MSN: variants seen among roughly 807,000 people sequenced by gnomAD.
MSN encodes the protein moesin.
In MSN, 2 loss-of-function variants were observed where a neutral mutation model predicts 48.0. The observed-to-expected ratio is 0.04, with a 90% CI of 0.02 to 0.13. MSN has a LOEUF of 0.13. Ranked by LOEUF, MSN falls within the 10% of genes least tolerant of loss-of-function variation. MSN has a pLI of 1.00. For missense variants in MSN, 267 were observed against 470.1 expected, an observed-to-expected ratio of 0.57 and a Z score of 3.99; for synonymous variants, 146 against 166.9, an observed-to-expected ratio of 0.87 and a Z score of 0.97.
intron 1 of MSN, among the ~76,000 whole-genome samples, chrX:65,643,049 T>TA (rs1441765180): frequency 9.0e-6 from 1 of 110,949 alleles, no homozygotes; most frequent in Non-Finnish European, 1.9e-5. Context: ...GCCCTTAGAT[T>TA]AGAATTCCTC....
intron 1 of MSN, chrX:65,589,544 C>G (rs1422077722): frequency 8.9e-6 from 1 of 112,508 alleles, no homozygotes; most frequent in Non-Finnish European, 1.9e-5. Context: ...TGTCACATCA[C>G]TTCTGTGGAT....
At chrX:65,667,030 G>A (rs2070878189), upstream of MSN, among the ~76,000 whole-genome samples, 2 of 112,040 alleles carry the variant, frequency 1.8e-5, no homozygotes, top group African/African-American at 3.2e-5. Context: ...TGAGGACTGA[G>A]CAAGGATGGG....
At chrX:65,607,421 A>G (rs1163746336) in intron 1 of MSN, among the ~76,000 whole-genome samples, 2 of 111,975 alleles carry the variant, frequency 1.8e-5, no homozygotes, top group South Asian at 7.5e-4. Context: ...TGTACTCTCC[A>G]TTCCTTGTGG....
chrX:65,622,217 C>T (rs1409802661), intron 1 of MSN, among the ~76,000 whole-genome samples: 2 of 107,165 alleles, frequency 1.9e-5, no homozygotes, highest in African/African-American at 6.8e-5. Flanking sequence ...GCCTCAGCCT[C>T]CTGAGTAGCT....
At chrX:65,619,581 G>A (rs1256071001) in intron 1 of MSN, among the ~76,000 whole-genome samples, 1 of 98,776 alleles carries the variant, frequency 1.0e-5, no homozygotes, top group Admixed American at 1.0e-4. Context: ...GCACTTCTCT[G>A]TATTGGTTAT....
chrX:65,647,179 CT>C (rs776824315), intron 1 of MSN, among the ~76,000 whole-genome samples: 3 of 108,029 alleles, frequency 2.8e-5, no homozygotes, highest in Non-Finnish European at 5.7e-5. Context: ...TTAGTAAGTT[CT>C]ATGGAGGAAA....
In MSN at chrX:65,729,653, C is replaced by T. The variant is rs1212398826; in HGVS notation, c.408C>T (p.Asp136=). 1 of 1,210,037 alleles carries T rather than the reference C, an allele frequency of 8.3e-7. No individual in the cohort carries two copies. Among genetic ancestry groups the T allele is most frequent in the Non-Finnish European group, 1.1e-6 (1 of 895,236 alleles). Residue 136 remains aspartate (D), a synonymous_variant, in exon 4 of 13, where the codon GAC becomes GAT. Transcript: ENST00000360270. ...ASYAVQSKYG[D]FNKEVHKSGY... ...ATGCTGTCCAGTCTAAGTATGGCGA[C>T]TTCAATAAGGAAGTGCATAAGTCTG...
intron 1 of MSN, among the ~76,000 whole-genome samples, chrX:65,620,242 G>T (rs867849410): frequency 2.7e-5 from 3 of 112,555 alleles, no homozygotes; most frequent in Non-Finnish European, 3.8e-5. Flanking sequence ...CCACCCAGTT[G>T]GAGCTTCCCG....
At chrX:65,652,886 T>G (rs1015582771) in intron 1 of MSN, among the ~76,000 whole-genome samples, 4 of 111,642 alleles carry the variant, frequency 3.6e-5, no homozygotes, top group African/African-American at 1.3e-4. Context: ...ACTCTTTCAT[T>G]GAGGATATGG....
At chrX:65,598,871 C>G (rs1303184440) in intron 1 of MSN, among the ~76,000 whole-genome samples, 1 of 112,186 alleles carries the variant, frequency 8.9e-6, no homozygotes, top group Non-Finnish European at 1.9e-5. Context: ...TACATGCATG[C>G]CTATTAAGGC....
At chrX:65,686,996 A>T (rs1186278378) in intron 1 of MSN, among the ~76,000 whole-genome samples, 1 of 111,915 alleles carries the variant, frequency 8.9e-6, no homozygotes, top group Non-Finnish European at 1.9e-5. Flanking sequence ...TCATTTATAG[A>T]CCATTTAGGA....
At chrX:65,688,867 T>C (rs1242636500) in intron 1 of MSN, among the ~76,000 whole-genome samples, 2 of 111,919 alleles carry the variant, frequency 1.8e-5, no homozygotes, top group Non-Finnish European at 3.8e-5. Context: ...AATTGTGCTT[T>C]CCACCTGGTT....
Position 65,737,305 on chromosome X carries a change from C to T in MSN, c.1218C>T (p.Ala406=). The change falls in exon 10 of 13, where the codon GCC becomes GCT. Residue 406 remains alanine (A), a synonymous_variant. Coordinates refer to ENST00000360270, the MANE Select transcript of MSN (RefSeq NM_002444.3). The part of the protein sequence containing the change: ...AEEAKEALLQ[A]SRDQKKTQEQ... The stretch of plus-strand genomic sequence containing the variant: ...AGGCCAAGGAGGCCTTGCTGCAGGC[C>T]TCCCGGGACCAGAAAAAGACTCAGG... 1 of 1,210,655 alleles carries T rather than the reference C, an allele frequency of 8.3e-7. No individual in the cohort carries two copies. Among genetic ancestry groups the T allele is most frequent in the Middle Eastern group, 2.3e-4 (1 of 4,340 alleles).
At chrX:65,731,265 C>A (rs1349793889) in intron 5 of MSN, 75 bp downstream of exon 5, 2 of 861,893 alleles carry the variant, frequency 2.3e-6, no homozygotes, top group African/African-American at 4.0e-5. Context: ...GGAGAAGAGA[C>A]TGATGACAAG....
At chrX:65,649,588 A>AATAT (rs34716365) in intron 1 of MSN, among the ~76,000 whole-genome samples, 1 of 93,761 alleles carries the variant, frequency 1.1e-5, no homozygotes, top group African/African-American at 4.1e-5. Context: ...AAAAAAAAAA[A>AATAT]ATATATATAT....
chrX:65,654,082 A>AATC (rs1222052974), intron 1 of MSN, among the ~76,000 whole-genome samples: 1 of 102,633 alleles, frequency 9.7e-6, no homozygotes, highest in East Asian at 3.1e-4. Flanking sequence ...GGCTCTATGC[A>AATC]ATCATTTTAT....
intron 1 of MSN, among the ~76,000 whole-genome samples, chrX:65,609,089 T>G (rs2148353806): frequency 9.5e-6 from 1 of 105,016 alleles, no homozygotes; most frequent in African/African-American, 3.4e-5. Flanking sequence ...TTATTATATT[T>G]ATAGCTCCAG....
chrX:65,678,598 T>C (rs887321986), intron 1 of MSN, among the ~76,000 whole-genome samples: 3 of 111,486 alleles, frequency 2.7e-5, no homozygotes, highest in African/African-American at 9.8e-5. Flanking sequence ...CCTTCTCACT[T>C]GGCTTTCCTG....
chrX:65,733,375 T>G (rs2071642775), intron 7 of MSN, 95 bp downstream of exon 7: 12 of 708,809 alleles, frequency 1.7e-5, no homozygotes, highest in Non-Finnish European at 2.4e-5. Context: ...TTTTCTGATG[T>G]GTTTGTGTGT....
Sources: gnomAD v4.1 joint callset for allele counts (sites outside exome capture counted in the v4.1 genomes callset) on GRCh38, gnomAD v4.1.1 for gene constraint, MANE v1.5 for transcripts, NCBI Gene and HGNC (gene_info 2026-07-23, HGNC 2026-07-21) for gene names.